Variants in BRIP1 observed in about 807,000 individuals in gnomAD.
The protein encoded by BRIP1 is Fanconi anemia group J protein.
BRIP1 carries 88 observed loss-of-function variants against 119.7 expected under a neutral mutation model. That is an observed-to-expected ratio of 0.74 (90% CI 0.62 to 0.88). The LOEUF (loss-of-function observed/expected upper bound fraction) is 0.88. Among genes scored for constraint, BRIP1 ranks in the 40% least tolerant of loss-of-function variants. BRIP1 has a pLI of 0.00. For synonymous variants in BRIP1, 443 were observed against 496.5 expected (o/e 0.89, Z 1.43); for missense variants, 1,259 against 1,455.4 (o/e 0.87, Z 2.20).
chr17:61,806,500 A>G lies in BRIP1; in HGVS notation c.918+1967T>C, dbSNP rs1451753660. On this transcript the variant is annotated intron_variant, in intron 7 of 19. Coordinates refer to ENST00000259008, the MANE Select transcript of BRIP1 (RefSeq NM_032043.3). The surrounding 1 kb of genome is among the most constrained non-coding windows in gnomAD (Gnocchi z 4.9). ...TCACTTTAAGACAAACTAAAGGCCA[A>G]TGAAAAATTCGGAACATTGAAGTCT... Among the ~76,000 whole-genome samples the G allele has an allele frequency of 2.0e-5, 3 of 152,216 alleles. No homozygotes were observed. Among genetic ancestry groups the G allele is most frequent in the African/African-American group, 7.2e-5 (3 of 41,458 alleles).
rs2077775776 is a variant in BRIP1, at chr17:61,789,032, T to G, written c.1473+4565A>C. Among the ~76,000 whole-genome samples, 1 of 151,732 alleles carries G rather than the reference T, an allele frequency of 6.6e-6. No homozygotes were observed. The highest frequency in any genetic ancestry group is 2.4e-5 in the African/African-American group (1 of 41,292). ...ATTGCCTGAACCTGGGAGGCGGAGG[T>G]TGCAGTGGGCTGAGATCACACCACT... On this transcript the variant is annotated intron_variant, in intron 10 of 19. Transcript: ENST00000259008. The surrounding 1 kb of genome is among the most constrained non-coding windows in gnomAD (Gnocchi z 4.8).
At chr17:61,837,979 C>T (rs2078599877) in intron 6 of BRIP1, among the ~76,000 whole-genome samples, 1 of 152,034 alleles carries the variant, frequency 6.6e-6, no homozygotes, top group South Asian at 2.1e-4. Flanking sequence ...TTCATAAAAA[C>T]TAAGAAAATT....
chr17:61,718,713 A>G (rs1485578959), intron 16 of BRIP1, among the ~76,000 whole-genome samples: 1 of 152,162 alleles, frequency 6.6e-6, no homozygotes, highest in Non-Finnish European at 1.5e-5. Context: ...AATTGTCTCC[A>G]GGTAATAATC....
At position 61,736,317 on chromosome 17, in the gene BRIP1, G is replaced by A. The variant is rs943781003; in HGVS notation, c.2379+6696C>T. Reference sequence around the variant, plus strand: ...CACTCCAACCTGGGCGACAGAACAAGACCTTGTCTATAAAATAAAATAAAA... The same window carrying A: ...CACTCCAACCTGGGCGACAGAACAAAACCTTGTCTATAAAATAAAATAAAA... On this transcript the variant is annotated intron_variant, in intron 16 of 19. Transcript: ENST00000259008. The surrounding 1 kb of genome is among the most constrained non-coding windows in gnomAD (Gnocchi z 4.4). Among the ~76,000 whole-genome samples, 4 of 151,926 alleles carry A rather than the reference G, an allele frequency of 2.6e-5. No individual in the cohort carries two copies. Among genetic ancestry groups the A allele is most frequent in the Non-Finnish European group, 5.9e-5 (4 of 67,992 alleles).
chr17:61,794,188 T>C lies in BRIP1; in HGVS notation c.1341-459A>G, dbSNP rs771084228. On this transcript the variant is annotated intron_variant, in intron 9 of 19. Coordinates refer to ENST00000259008, the MANE Select transcript of BRIP1 (RefSeq NM_032043.3). The surrounding 1 kb of genome is among the most constrained non-coding windows in gnomAD (Gnocchi z 4.3). ...CACATTCATACATTAAGTGTTTGAA[T>C]GCCTATTTTATTCCAGACATTGTTC... Among the ~76,000 whole-genome samples, 90 of 152,206 alleles carry C rather than the reference T, an allele frequency of 5.9e-4. 1 individual carries two copies. Among genetic ancestry groups the C allele is most frequent in the Non-Finnish European group, 1.1e-3 (77 of 68,038 alleles).
chr17:61,684,324 T>A lies in BRIP1; in HGVS notation c.2906-184A>T, dbSNP rs2061329850. On this transcript the variant is annotated intron_variant, in intron 19 of 19. Transcript: ENST00000259008. This position sits in a 1 kb window ranked among gnomAD's most constrained non-coding sequence, Gnocchi z 4.5. ...TATTAACTCTGAAAGAAATCTTAGGTCTCTAATGTTTCCTAGCCCAAGTTA... is the reference window on the plus strand; with the variant it reads ...TATTAACTCTGAAAGAAATCTTAGGACTCTAATGTTTCCTAGCCCAAGTTA... Among the ~76,000 whole-genome samples, 1 of 152,150 alleles carries A rather than the reference T, an allele frequency of 6.6e-6. No individual in the cohort carries two copies. The highest frequency in any genetic ancestry group is 2.4e-5 in the African/African-American group (1 of 41,426).
rs145472210 is a variant in BRIP1 at position 61,752,603 on chromosome 17, C to A, written c.2098-8012G>T. Among the ~76,000 whole-genome samples, 346 of 152,254 alleles carry A rather than the reference C, an allele frequency of 2.3e-3. 1 individual carries two copies. Among genetic ancestry groups the A allele is most frequent in the African/African-American group, 7.3e-3 (304 of 41,554 alleles). On this transcript the variant is annotated intron_variant, in intron 14 of 19. Transcript: ENST00000259008. This position sits in a 1 kb window ranked among gnomAD's most constrained non-coding sequence, Gnocchi z 6.2. ...GCCCTGTAGTACATCAACCAGTTTT[C>A]TTATAGTCTATTCCTTTATTAAATT...
Position 61,742,301 on chromosome 17 carries a change from T to G in BRIP1, c.2379+712A>C, listed in dbSNP as rs1463760080. 1.3e-5 allele frequency among the ~76,000 whole-genome samples: 2 copies of G among 152,200 alleles called. No homozygotes were observed. Among genetic ancestry groups the G allele is most frequent in the African/African-American group, 4.8e-5 (2 of 41,456 alleles). Reference sequence around the variant, plus strand: ...GATCTTCTTTCCAGACACTAAACCTTTCTCTATATCAGTAATAAGACTGTT... The same window carrying G: ...GATCTTCTTTCCAGACACTAAACCTGTCTCTATATCAGTAATAAGACTGTT... On this transcript the variant is annotated intron_variant, in intron 16 of 19. Transcript: ENST00000259008. The surrounding 1 kb of genome is among the most constrained non-coding windows in gnomAD (Gnocchi z 4.7).
At chr17:61,747,388 G>C (rs1246335024) in intron 14 of BRIP1, among the ~76,000 whole-genome samples, 1 of 150,568 alleles carries the variant, frequency 6.6e-6, no homozygotes, top group Non-Finnish European at 1.5e-5. Flanking sequence ...AAGATCAACA[G>C]AATTGACAAG....
intron 6 of BRIP1, among the ~76,000 whole-genome samples, chr17:61,835,879 A>G (rs2078564747): frequency 1.3e-5 from 2 of 152,132 alleles, no homozygotes; most frequent in South Asian, 4.1e-4. Flanking sequence ...ATGAAAATAA[A>G]TCCCATAAAC....
intron 14 of BRIP1, among the ~76,000 whole-genome samples, chr17:61,763,995 A>G (rs918303365): frequency 6.6e-5 from 10 of 152,210 alleles, no homozygotes; most frequent in African/African-American, 2.2e-4. Flanking sequence ...TGAGGCATAT[A>G]AAATACTACC....
chr17:61,835,750 T>C (rs2078562479), intron 6 of BRIP1, among the ~76,000 whole-genome samples: 1 of 151,246 alleles, frequency 6.6e-6, no homozygotes, highest in African/African-American at 2.4e-5. Flanking sequence ...CAAGTACATA[T>C]AACAATTTAG....
chr17:61,798,605 T>C lies in BRIP1; in HGVS notation c.1340+495A>G, dbSNP rs1025346449. ...AAGTTTTTTTCTATGGTAACAAGAT[T>C]CTAGATCAACAACTTAATGTCTAAT... On this transcript the variant is annotated intron_variant, in intron 9 of 19. Transcript: ENST00000259008. The surrounding 1 kb of genome is among the most constrained non-coding windows in gnomAD (Gnocchi z 5.5). 6.6e-6 allele frequency among the ~76,000 whole-genome samples: 1 copy of C among 151,966 alleles called. No individual in the cohort carries two copies. The highest frequency in any genetic ancestry group is 2.4e-5 in the African/African-American group (1 of 41,408).
intron 6 of BRIP1, among the ~76,000 whole-genome samples, chr17:61,835,583 T>G (rs191733347): frequency 1.3e-4 from 19 of 151,824 alleles, no homozygotes; most frequent in Admixed American, 1.1e-3. Flanking sequence ...TAATTGAAAA[T>G]TATTTACTTC....
At chr17:61,727,854 C>T (rs558300858) in intron 16 of BRIP1, among the ~76,000 whole-genome samples, 1 of 149,144 alleles carries the variant, frequency 6.7e-6, no homozygotes, top group Non-Finnish European at 1.5e-5. Flanking sequence ...TTTTGAGACA[C>T]AGTCTTGCTG....
Position 61,683,589 on chromosome 17 carries a change from C to G in BRIP1, c.3457G>C (p.Asp1153His), listed in dbSNP as rs2144075311. 1 of 1,612,516 alleles carries G rather than the reference C, an allele frequency of 6.2e-7. No homozygotes were observed. Among genetic ancestry groups the G allele is most frequent in the Non-Finnish European group, 8.5e-7 (1 of 1,179,956 alleles). ...TTGTTAGCCAATCTATTTCCTCTAT[C>G]AGTTTCAGCTAGGTCATTTTTTTCT... ...DEEKNDLAET[D>H]RGNRLANNSD... Residue 1153 changes from aspartate (D) to histidine (H), a missense_variant, in exon 20 of 20, where the codon GAT becomes CAT. Transcript: ENST00000259008. This position sits in a 1 kb window ranked among gnomAD's most constrained non-coding sequence, Gnocchi z 4.7.
intron 9 of BRIP1, among the ~76,000 whole-genome samples, chr17:61,797,074 G>T (rs1207049052): frequency 1.3e-5 from 2 of 151,984 alleles, no homozygotes; most frequent in African/African-American, 4.8e-5. Flanking sequence ...TATACAAAAA[G>T]AGCTATAAAG....
At position 61,828,526 on chromosome 17, in the gene BRIP1, CAGAT is replaced by C. The variant is rs1428237480; in HGVS notation, c.627+18571_627+18574del. ...ATACCACTGAATTTACACTTAAAAA[CAGAT>C]AAATGGTAAATTTTATGTTATATAT... On this transcript the variant is annotated intron_variant, in intron 6 of 19. Transcript: ENST00000259008. The surrounding 1 kb of genome is among the most constrained non-coding windows in gnomAD (Gnocchi z 4.1). 4.0e-5 allele frequency among the ~76,000 whole-genome samples: 6 copies of C among 151,330 alleles called. No homozygotes were observed. Among genetic ancestry groups the C allele is most frequent in the Admixed American group, 3.9e-4 (6 of 15,190 alleles).
At position 61,857,189 on chromosome 17, in the gene BRIP1, T is replaced by G. The variant is rs1383287302; in HGVS notation, c.248A>C (p.Gln83Pro). ...DEGVSEKAEV[Q>P]LSCCCACHSK... Reference sequence around the variant, plus strand: ...ATGGCATGCACAACAACATGACAATTGTACTTCAGCTTTTTCACTTACGCC... The same window carrying G: ...ATGGCATGCACAACAACATGACAATGGTACTTCAGCTTTTTCACTTACGCC... The change falls in exon 4 of 20, where the codon CAA becomes CCA. Residue 83 changes from glutamine (Q) to proline (P), a missense_variant. Coordinates refer to ENST00000259008, the MANE Select transcript of BRIP1 (RefSeq NM_032043.3). The surrounding 1 kb of genome is among the most constrained non-coding windows in gnomAD (Gnocchi z 5.1). 6.2e-7 allele frequency: 1 copy of G among 1,614,128 alleles called. No individual in the cohort carries two copies. The highest frequency in any genetic ancestry group is 2.2e-5 in the East Asian group (1 of 44,874).
Sources: allele counts gnomAD v4.1 joint callset (sites outside exome capture counted in the v4.1 genomes callset), GRCh38; gene constraint gnomAD v4.1.1; non-coding constraint Gnocchi (gnomAD v3.1); transcripts MANE v1.5; gene names NCBI Gene and HGNC (gene_info 2026-07-23, HGNC 2026-07-21).